The following IKZF2 variants were observed in gnomAD, a reference collection of about 807,000 sequenced individuals.
IKZF2 encodes the protein zinc finger protein Helios.
IKZF2 carries 15 observed loss-of-function variants against 49.2 expected under a neutral mutation model. That is an observed-to-expected ratio of 0.30 (90% confidence interval 0.20 to 0.47). The LOEUF (loss-of-function observed/expected upper bound fraction) is 0.47. Among genes scored for constraint, IKZF2 ranks in the 20% least tolerant of loss-of-function variants. The probability of loss-of-function intolerance (pLI) is 1.00; values close to 1 mark genes in which losing one functional copy is unlikely to be tolerated. For missense variants in IKZF2, 567 were observed against 664.6 expected, an observed-to-expected ratio of 0.85 and a Z score of 1.61; for synonymous variants, 227 against 221.4, an observed-to-expected ratio of 1.03 and a Z score of -0.23.
intron 4 of IKZF2, among the ~76,000 whole-genome samples, chr2:213,066,955 C>G (rs1163709039): frequency 6.6e-6 from 1 of 152,006 alleles, no homozygotes; most frequent in African/African-American, 2.4e-5. Context: ...AGATAATATC[C>G]TCTACATTAA....
At chr2:213,015,512 C>T (rs1453399391) in intron 7 of IKZF2, among the ~76,000 whole-genome samples, 1 of 151,810 alleles carries the variant, frequency 6.6e-6, no homozygotes, top group Non-Finnish European at 1.5e-5. Context: ...AAAGAGTCAA[C>T]AAAAAAGCAA....
intron 1 of IKZF2, 75 bp from the exon 2 acceptor site, chr2:213,150,322 C>T (rs2061238191): frequency 3.9e-6 from 2 of 506,946 alleles, no homozygotes; most frequent in Non-Finnish European, 3.6e-6. Context: ...CTTGCCCCCT[C>T]CAAGCCAAGC....
In IKZF2 at chr2:213,019,820, G is replaced by T. The variant is rs190126995; in HGVS notation, c.712+2173C>A. On this transcript the variant is annotated intron_variant, in intron 7 of 8. Coordinates refer to ENST00000434687, the MANE Select transcript of IKZF2 (RefSeq NM_001387220.1). ...GAGGGCTAAGCAATCTGGGGAATAG[G>T]GGGTAAGACTGAGGCCCCAGTTGTT... 2.1e-3 allele frequency among the ~76,000 whole-genome samples: 321 copies of T among 152,218 alleles called. 5 individuals are homozygous for T. The highest frequency in any genetic ancestry group is 0.018 in the Admixed American group (278 of 15,286).
rs1045966432 is a variant in IKZF2 at position 213,003,217 on chromosome 2, T to C, written c.*4143A>G. The C allele has an allele frequency of 1.3e-5, 2 of 152,102 alleles. No individual in the cohort carries two copies. Among genetic ancestry groups the C allele is most frequent in the African/African-American group, 4.8e-5 (2 of 41,406 alleles). 9.4% of individuals were successfully genotyped at this position (152,102 alleles called of 1,614,324 possible). ...TAAAAAGGCACCAATATAAAGAACATAAGTATTTAATACATTAAATTCAGG... is the reference window on the plus strand; with the variant it reads ...TAAAAAGGCACCAATATAAAGAACACAAGTATTTAATACATTAAATTCAGG... On this transcript the variant is annotated 3_prime_UTR_variant, in exon 9 of 9. Coordinates refer to ENST00000434687, the MANE Select transcript of IKZF2 (RefSeq NM_001387220.1).
At chr2:213,058,202 T>C (rs1001059057) in intron 4 of IKZF2, among the ~76,000 whole-genome samples, 3 of 152,132 alleles carry the variant, frequency 2.0e-5, no homozygotes, top group Non-Finnish European at 4.4e-5. Context: ...GGGTGCACTA[T>C]CAAAATGGCT....
intron 5 of IKZF2, among the ~76,000 whole-genome samples, chr2:213,052,962 T>C (rs1700814259): frequency 1.3e-5 from 2 of 152,122 alleles, no homozygotes; most frequent in African/African-American, 4.8e-5. Flanking sequence ...TAAAACAACA[T>C]ATCTCAATTA....
At chr2:213,042,707 G>C (rs1005404123) in intron 6 of IKZF2, among the ~76,000 whole-genome samples, 1 of 152,070 alleles carries the variant, frequency 6.6e-6, no homozygotes, top group Non-Finnish European at 1.5e-5. Context: ...AAGTCTGACT[G>C]CTTCACAGGA....
chr2:213,011,488 GA>G, intron 8 of IKZF2, among the ~76,000 whole-genome samples: 1 of 151,958 alleles, frequency 6.6e-6, no homozygotes, highest in Non-Finnish European at 1.5e-5. Flanking sequence ...TTGTTTCATT[GA>G]AATAAGGAAA....
intron 5 of IKZF2, among the ~76,000 whole-genome samples, chr2:213,055,649 T>C (rs369202968): frequency 5.9e-5 from 9 of 152,206 alleles, no homozygotes; most frequent in African/African-American, 2.2e-4. Context: ...CAAGCAATAG[T>C]GTGTCTGAAC....
At chr2:213,096,098 CA>C (rs147034501) in intron 4 of IKZF2, among the ~76,000 whole-genome samples, 3,851 of 151,758 alleles carry the variant, frequency 0.025, 86 homozygotes, top group African/African-American at 0.06. Flanking sequence ...GCTGAAGTCT[CA>C]AAAAAATAGC....
chr2:213,083,173 A>G (rs916457937), intron 4 of IKZF2, among the ~76,000 whole-genome samples: 1 of 152,150 alleles, frequency 6.6e-6, no homozygotes, highest in Admixed American at 6.5e-5. Context: ...TGCTTTTGCA[A>G]TGTTTGAAGT....
chr2:213,140,126 T>C (rs1301484664), intron 4 of IKZF2, among the ~76,000 whole-genome samples: 1 of 151,974 alleles, frequency 6.6e-6, no homozygotes, highest in Admixed American at 6.6e-5. Context: ...TAAGGAGTTC[T>C]GAATCTCCAC....
rs181764002 is a variant in IKZF2, at chr2:213,050,172, T to C, written c.407-292A>G. On this transcript the variant is annotated intron_variant, in intron 5 of 8. Coordinates refer to ENST00000434687, the MANE Select transcript of IKZF2 (RefSeq NM_001387220.1). ...TCATTGGTTGAACAATGAGGTGCTG[T>C]CACTTTAGGGCCTTACACACAATTG... Among the ~76,000 whole-genome samples, 10 of 152,314 alleles carry C rather than the reference T, an allele frequency of 6.6e-5. No individual in the cohort carries two copies. In the East Asian group the frequency reaches 1.7e-3, roughly 26 times the overall value.
At chr2:213,021,083 C>A (rs1470743120) in intron 7 of IKZF2, among the ~76,000 whole-genome samples, 3 of 152,038 alleles carry the variant, frequency 2.0e-5, no homozygotes, top group Non-Finnish European at 4.4e-5. Context: ...CCTGGTGGTA[C>A]ATGCCTGTAA....
chr2:213,084,583 T>C (rs550212399), intron 4 of IKZF2, among the ~76,000 whole-genome samples: 1 of 136,802 alleles, frequency 7.3e-6, no homozygotes, highest in African/African-American at 2.8e-5. Context: ...AAAATGTATC[T>C]ATGTCACTCT....
chr2:213,139,237 G>T (rs1382377689), intron 4 of IKZF2, among the ~76,000 whole-genome samples: 3 of 151,252 alleles, frequency 2.0e-5, no homozygotes, highest in African/African-American at 7.3e-5. Context: ...GAAGCCAAGG[G>T]GAAAAAAAAA....
chr2:213,141,888 T>G (rs2060888417), intron 4 of IKZF2, among the ~76,000 whole-genome samples: 1 of 152,076 alleles, frequency 6.6e-6, no homozygotes, highest in Non-Finnish European at 1.5e-5. Flanking sequence ...CAGCAAAATG[T>G]CAAATGCTTA....
chr2:213,141,228 G>A (rs2060856432), intron 4 of IKZF2, among the ~76,000 whole-genome samples: 3 of 151,734 alleles, frequency 2.0e-5, no homozygotes, highest in South Asian at 4.1e-4. Context: ...TCCCACTACT[G>A]CTAGCTTGCA....
intron 4 of IKZF2, among the ~76,000 whole-genome samples, chr2:213,088,226 T>C (rs1199721047): frequency 2.6e-5 from 4 of 152,224 alleles, no homozygotes; most frequent in Non-Finnish European, 4.4e-5. Flanking sequence ...TATCTCATTG[T>C]GGTTTTGATT....
Sources: gnomAD v4.1 joint callset for allele counts (sites outside exome capture counted in the v4.1 genomes callset) on GRCh38, gnomAD v4.1.1 for gene constraint, MANE v1.5 for transcripts, NCBI Gene and HGNC (gene_info 2026-07-23, HGNC 2026-07-21) for gene names.